ERCC6L2: variants seen among roughly 807,000 people sequenced by gnomAD.
ERCC6L2 encodes the protein DNA excision repair protein ERCC-6-like 2.
ERCC6L2 carries 77 observed loss-of-function variants against 132.0 expected under a neutral mutation model. The observed-to-expected ratio is 0.58, with a 90% confidence interval of 0.49 to 0.71. ERCC6L2 has a LOEUF of 0.71. Ranked by LOEUF, ERCC6L2 falls within the 30% of genes least tolerant of loss-of-function variation. The pLI is 0.00. For synonymous variants in ERCC6L2, 583 were observed against 632.4 expected (o/e 0.92, Z 1.17); for missense variants, 1,542 against 1,837.6 (o/e 0.84, Z 2.94).
intron 3 of ERCC6L2, among the ~76,000 whole-genome samples, chr9:95,901,164 T>C (rs995097448): frequency 6.6e-6 from 1 of 152,174 alleles, no homozygotes; most frequent in African/African-American, 2.4e-5. Context: ...GCCTATGGAA[T>C]TTTAAGTTCA....
Position 95,955,243 on chromosome 9 carries a change from G to A in ERCC6L2, c.1848-671G>A, listed in dbSNP as rs1018617857. ...ATTCAGTCAGATCCACCTCATCTAC[G>A]GATGAGAACTGTAGACCAGCACTTC... On this transcript the variant is annotated intron_variant, in intron 12 of 18. Transcript: ENST00000653738. Among the ~76,000 whole-genome samples the A allele has an allele frequency of 5.9e-5, 9 of 152,080 alleles. No individual in the cohort carries two copies. The East Asian group carries it at 7.7e-4, about 13-fold the overall frequency.
intron 12 of ERCC6L2, among the ~76,000 whole-genome samples, chr9:95,942,855 G>A (rs73534685): frequency 0.014 from 2,084 of 152,200 alleles, 46 homozygotes; most frequent in African/African-American, 0.048. Context: ...AAGTTTCAAA[G>A]ATAAAGAGAA....
chr9:95,948,591 A>AAC (rs1831173761), intron 12 of ERCC6L2, among the ~76,000 whole-genome samples: 2 of 152,254 alleles, frequency 1.3e-5, no homozygotes, highest in Admixed American at 1.3e-4. Context: ...GGCTGCAGTT[A>AAC]GCCAAGATGG....
intron 13 of ERCC6L2, among the ~76,000 whole-genome samples, chr9:95,963,373 C>G (rs1832002556): frequency 6.6e-6 from 1 of 151,872 alleles, no homozygotes; most frequent in Non-Finnish European, 1.5e-5. Flanking sequence ...GTATGTATTT[C>G]CCCAAAGAAG....
intron 19 of ERCC6L2, among the ~76,000 whole-genome samples, chr9:96,030,856 G>A (rs1444769563): frequency 1.3e-5 from 2 of 152,162 alleles, no homozygotes; most frequent in African/African-American, 4.8e-5. Flanking sequence ...CAAGCCATCC[G>A]ATCCTAAACC....
chr9:96,001,781 C>T (rs1056474936), intron 17 of ERCC6L2, among the ~76,000 whole-genome samples: 15 of 152,330 alleles, frequency 9.8e-5, no homozygotes, highest in South Asian at 4.1e-4. Flanking sequence ...TGGCGCTCGT[C>T]GGGGAGGCTT....
intron 3 of ERCC6L2, among the ~76,000 whole-genome samples, chr9:95,904,532 T>C (rs1392255534): frequency 6.6e-6 from 1 of 152,188 alleles, no homozygotes; most frequent in Admixed American, 6.5e-5. Flanking sequence ...CTTACTTTGC[T>C]ACTTAATAGC....
At chr9:95,934,022 G>A (rs1240789161) in intron 11 of ERCC6L2, among the ~76,000 whole-genome samples, 2 of 152,124 alleles carry the variant, frequency 1.3e-5, no homozygotes, top group East Asian at 1.9e-4. Context: ...TTAGCATCCA[G>A]TGTAAAGCAT....
At chr9:96,035,865 G>A (rs570451822) in intron 19 of ERCC6L2, among the ~76,000 whole-genome samples, 16 of 152,306 alleles carry the variant, frequency 1.1e-4, no homozygotes, top group Admixed American at 5.2e-4. Flanking sequence ...CAGCAAACCA[G>A]TGAGGAACCC....
chr9:95,983,448 T>C lies in ERCC6L2; in HGVS notation c.3492+5233T>C, dbSNP rs80288435. ...GTTGAGAATAGTCACAAGATCTAAA[T>C]AGTTAAAAAATAGTAGTTCTTCAAA... On this transcript the variant is annotated intron_variant, in intron 17 of 18. Coordinates refer to ENST00000653738, the MANE Select transcript of ERCC6L2 (RefSeq NM_020207.7). Among the ~76,000 whole-genome samples the C allele has an allele frequency of 5.3e-3, 809 of 152,312 alleles. 19 individuals are homozygous for C. In the East Asian group the frequency reaches 0.087, roughly 16 times the overall value.
chr9:95,962,946 A>G (rs377432479), intron 13 of ERCC6L2, among the ~76,000 whole-genome samples: 11 of 152,294 alleles, frequency 7.2e-5, no homozygotes, highest in African/African-American at 2.6e-4. Flanking sequence ...ACGTTACAGC[A>G]CTGGTTAGAC....
chr9:96,028,762 G>T (rs1319624616), intron 19 of ERCC6L2, among the ~76,000 whole-genome samples: 1 of 152,202 alleles, frequency 6.6e-6, no homozygotes, highest in African/African-American at 2.4e-5. Context: ...CAAAAAGTCA[G>T]TGAAGGGATT....
At chr9:95,983,116 A>G (rs1588020451) in intron 17 of ERCC6L2, among the ~76,000 whole-genome samples, 1 of 152,226 alleles carries the variant, frequency 6.6e-6, no homozygotes. Context: ...AAGTCTCTAC[A>G]GTAGCCTGCT....
downstream of ERCC6L2, chr9:96,021,820 G>C: frequency 6.6e-6 from 1 of 152,556 alleles, no homozygotes; most frequent in East Asian, 1.9e-4. The surrounding 1 kb of genome is among the most constrained non-coding windows in gnomAD (Gnocchi z 4.7). Flanking sequence ...CTGGGGCTCG[G>C]ACGGAGGACA....
intron 3 of ERCC6L2, among the ~76,000 whole-genome samples, chr9:95,905,529 C>CA (rs894179337): frequency 3.9e-5 from 6 of 151,934 alleles, no homozygotes; most frequent in African/African-American, 1.5e-4. Flanking sequence ...TCGTAATATA[C>CA]AAAAAAATCA....
At chr9:96,004,745 A>G in intron 18 of ERCC6L2, 44 bp downstream of exon 18, 1 of 1,193,816 alleles carries the variant, frequency 8.4e-7, no homozygotes, top group Non-Finnish European at 1.1e-6. Context: ...ATAATTCTCA[A>G]AGGAAATGTA....
At chr9:95,964,045 C>T (rs900023858) in intron 13 of ERCC6L2, among the ~76,000 whole-genome samples, 32 of 152,158 alleles carry the variant, frequency 2.1e-4, no homozygotes, top group African/African-American at 6.0e-4. Flanking sequence ...GCCAGTTCCT[C>T]ATCAGACCTG....
At chr9:95,946,933 G>T (rs1248792280) in intron 12 of ERCC6L2, among the ~76,000 whole-genome samples, 1 of 152,132 alleles carries the variant, frequency 6.6e-6, no homozygotes, top group Non-Finnish European at 1.5e-5. Flanking sequence ...TGTGTGTTCT[G>T]ACTGCTCTGC....
At chr9:95,907,345 T>TTG in intron 4 of ERCC6L2, 74 bp downstream of exon 4, 1 of 1,140,328 alleles carries the variant, frequency 8.8e-7, no homozygotes, top group Non-Finnish European at 1.2e-6. Flanking sequence ...AGAGTTTTTT[T>TTG]TTTTTTTTTT....
Sources: allele counts gnomAD v4.1 joint callset (sites outside exome capture counted in the v4.1 genomes callset), GRCh38; gene constraint gnomAD v4.1.1; non-coding constraint Gnocchi (gnomAD v3.1); transcripts MANE v1.5; gene names NCBI Gene and HGNC (gene_info 2026-07-23, HGNC 2026-07-21).